OR5H1: variants seen among roughly 807,000 people sequenced by gnomAD.
The protein encoded by OR5H1 is olfactory receptor 5H1.
For synonymous variants in OR5H1, 124 were observed against 134.4 expected (o/e 0.92, Z 0.54); for missense variants, 378 against 366.8 (o/e 1.03, Z -0.25).
Position 98,133,248 on chromosome 3 carries a change from T to C in OR5H1, c.551T>C (p.Leu184Ser). The change falls in exon 2 of 2, where the codon TTG (leucine) becomes TCG (serine). Residue 184 changes from leucine (L) to serine (S), a missense_variant. Coordinates refer to ENST00000641874, the MANE Select transcript of OR5H1 (RefSeq NM_001005338.2). ...CACATTTACTGTGACACTATCCCAT[T>C]GTCTAAGATTTCTTGTACTGATTCT... ...VHHIYCDTIP[L>S]SKISCTDSSI... 6.2e-7 allele frequency: 1 copy of C among 1,612,008 alleles called. No individual in the cohort carries two copies.
intron 1 of OR5H1, among the ~76,000 whole-genome samples, chr3:98,131,945 T>G (rs1261208408): frequency 1.3e-5 from 2 of 152,102 alleles, no homozygotes; most frequent in Non-Finnish European, 2.9e-5. Context: ...TTAGAATCTA[T>G]TTCTTTGTCT....
At position 98,137,861 on chromosome 3, in the gene OR5H1, A is replaced by G. The variant is rs1261359516; in HGVS notation, c.*4222A>G. On this transcript the variant is annotated 3_prime_UTR_variant, in exon 2 of 2. Transcript: ENST00000641874. ...TTATGGTTTAAAAGTTCATTTATAA[A>G]CGTATATTGTACTTACATCTATTTA... is the stretch of plus-strand genomic sequence containing the variant. 1 of 152,130 alleles carries G rather than the reference A, an allele frequency of 6.6e-6. No individual in the cohort carries two copies. Among genetic ancestry groups the G allele is most frequent in the East Asian group, 1.9e-4 (1 of 5,190 alleles). 9.4% of individuals were successfully genotyped at this position (152,130 alleles called of 1,614,324 possible). A position where few individuals can be genotyped will look rare whatever the true frequency, so the allele number is the denominator to read the frequency against.
rs1478098537 is a variant in OR5H1, at chr3:98,137,901, A to G, written c.*4262A>G. The G allele has an allele frequency of 6.6e-6, 1 of 152,070 alleles. No homozygotes were observed. The highest frequency in any genetic ancestry group is 1.9e-4 in the East Asian group (1 of 5,180). The allele number at this position is 152,070 out of a possible 1,614,324, so 9.4% of individuals were successfully genotyped here. On this transcript the variant is annotated 3_prime_UTR_variant, in exon 2 of 2. Transcript: ENST00000641874. ...ACATCTATTTAATTCACTTATTCTG[A>G]ATTGTTTGGTTTACTCATGAAAATT... is the stretch of plus-strand genomic sequence containing the variant.
At position 98,134,969 on chromosome 3, in the gene OR5H1, G is replaced by A. The variant is rs1708301934; in HGVS notation, c.*1330G>A. On this transcript the variant is annotated 3_prime_UTR_variant, in exon 2 of 2. Coordinates refer to ENST00000641874, the MANE Select transcript of OR5H1 (RefSeq NM_001005338.2). ...CAGATTATATGCATGTATGTTTTAG[G>A]TATCTTATATCTATATGTATACATA... 6.6e-6 allele frequency: 1 copy of A among 151,792 alleles called. No individual in the cohort carries two copies. The highest frequency in any genetic ancestry group is 1.5e-5 in the Non-Finnish European group (1 of 67,918). The allele number at this position is 151,792 out of a possible 1,614,324, so 9.4% of individuals were successfully genotyped here. A position where few individuals can be genotyped will look rare whatever the true frequency, so the allele number is the denominator to read the frequency against.
rs774689923 is a variant in OR5H1, at chr3:98,133,567, C to T, written c.870C>T (p.Tyr290=). The T allele has an allele frequency of 6.2e-7, 1 of 1,612,824 alleles. No individual in the cohort carries two copies. Among genetic ancestry groups the T allele is most frequent in the Non-Finnish European group, 8.5e-7 (1 of 1,179,286 alleles). The change falls in exon 2 of 2, where the codon TAC becomes TAT. Residue 290 remains tyrosine, a synonymous_variant. Coordinates refer to ENST00000641874, the MANE Select transcript of OR5H1 (RefSeq NM_001005338.2). ...VIIPLLNPII[Y]SLRNKQVTVS... ...TTCCTTTGTTAAATCCTATCATCTA[C>T]AGTCTGAGAAATAAGCAAGTCACAG...
At chr3:98,132,277 G>C (rs1224450014) in intron 1 of OR5H1, among the ~76,000 whole-genome samples, 1 of 151,828 alleles carries the variant, frequency 6.6e-6, no homozygotes, top group Non-Finnish European at 1.5e-5. Flanking sequence ...TAAAATTTTT[G>C]GCACATGCTT....
At position 98,134,541 on chromosome 3, in the gene OR5H1, A is replaced by G. The variant is rs141169995; in HGVS notation, c.*902A>G. On this transcript the variant is annotated 3_prime_UTR_variant, in exon 2 of 2. Coordinates refer to ENST00000641874, the MANE Select transcript of OR5H1 (RefSeq NM_001005338.2). ...AGAAGTTTTAAATGCCTGTCATGTA[A>G]GTTCAAATAATGTTAACATGATACG... The G allele has an allele frequency of 6.2e-4, 94 of 152,208 alleles. No individual in the cohort carries two copies. The East Asian group carries it at 0.016, about 27-fold the overall frequency. The allele number at this position is 152,208 out of a possible 1,614,324, so 9.4% of individuals were successfully genotyped here. A position where few individuals can be genotyped will look rare whatever the true frequency, so the allele number is the denominator to read the frequency against.
rs780960094 is a variant in OR5H1, at chr3:98,133,343, G to T, written c.646G>T (p.Val216Leu). The T allele has an allele frequency of 1.2e-6, 2 of 1,612,820 alleles. No homozygotes were observed. The highest frequency in any genetic ancestry group is 2.7e-5 in the African/African-American group (2 of 74,478). Residue 216 changes from valine to leucine, a missense_variant, in exon 2 of 2, where the codon GTA becomes TTA. By Grantham distance (32) the Val-to-Leu change is conservative. Coordinates refer to ENST00000641874, the MANE Select transcript of OR5H1 (RefSeq NM_001005338.2). Reference sequence around the variant, plus strand: ...GGTATTCAGCATTGTGACTATTCTTGTATCTTATACATTTGTTCTCTTCGC... The same window carrying T: ...GGTATTCAGCATTGTGACTATTCTTTTATCTTATACATTTGTTCTCTTCGC... ...IQVFSIVTIL[V>L]SYTFVLFAIL...
chr3:98,133,343 G>C lies in OR5H1; in HGVS notation c.646G>C (p.Val216Leu). ...IQVFSIVTIL[V>L]SYTFVLFAIL... ...GGTATTCAGCATTGTGACTATTCTT[G>C]TATCTTATACATTTGTTCTCTTCGC... is the stretch of plus-strand genomic sequence containing the variant. Residue 216 changes from valine (V) to leucine (L), a missense_variant, in exon 2 of 2, where the codon GTA becomes CTA. Transcript: ENST00000641874. 1 of 1,612,946 alleles carries C rather than the reference G, an allele frequency of 6.2e-7. No individual in the cohort carries two copies. Among genetic ancestry groups the C allele is most frequent in the South Asian group, 1.1e-5 (1 of 91,048 alleles).
intron 1 of OR5H1, among the ~76,000 whole-genome samples, chr3:98,132,234 A>G (rs1708264691): frequency 6.6e-6 from 1 of 151,992 alleles, no homozygotes; most frequent in Admixed American, 6.6e-5. Flanking sequence ...TCAAAAACTA[A>G]ATTAAAAAAA....
chr3:98,131,598 T>G (rs1043745385), intron 1 of OR5H1, among the ~76,000 whole-genome samples: 1 of 152,050 alleles, frequency 6.6e-6, no homozygotes, highest in Non-Finnish European at 1.5e-5. Context: ...TGTTACCTCC[T>G]TAATATAACT....
Position 98,137,513 on chromosome 3 carries a change from T to G in OR5H1, c.*3874T>G, listed in dbSNP as rs900828272. Reference sequence around the variant, plus strand: ...TACATCACACCGGCATTTTACAGATTGGCAAATCTACGAATATACAATTTC... The same window carrying G: ...TACATCACACCGGCATTTTACAGATGGGCAAATCTACGAATATACAATTTC... On this transcript the variant is annotated 3_prime_UTR_variant, in exon 2 of 2. Coordinates refer to ENST00000641874, the MANE Select transcript of OR5H1 (RefSeq NM_001005338.2). 3 of 152,210 alleles carry G rather than the reference T, an allele frequency of 2.0e-5. No homozygotes were observed. The highest frequency in any genetic ancestry group is 4.4e-5 in the Non-Finnish European group (3 of 68,038). The allele number at this position is 152,210 out of a possible 1,614,324, so 9.4% of individuals were successfully genotyped here. A position where few individuals can be genotyped will look rare whatever the true frequency, so the allele number is the denominator to read the frequency against.
At chr3:98,132,028 T>C (rs1708263375) in intron 1 of OR5H1, among the ~76,000 whole-genome samples, 1 of 152,008 alleles carries the variant, frequency 6.6e-6, no homozygotes, top group African/African-American at 2.4e-5. Flanking sequence ...CGGAGGGTAT[T>C]TTCAAAATGC....
At chr3:98,131,425 T>C (rs983797037) in intron 1 of OR5H1, among the ~76,000 whole-genome samples, 11 of 151,582 alleles carry the variant, frequency 7.3e-5, no homozygotes, top group African/African-American at 2.4e-4. Context: ...ATCAGTGTAT[T>C]TAATTGGCCA....
intron 1 of OR5H1, among the ~76,000 whole-genome samples, chr3:98,131,863 C>G (rs1383935752): frequency 6.6e-6 from 1 of 152,014 alleles, no homozygotes; most frequent in South Asian, 2.1e-4. Flanking sequence ...AGGGACTCCT[C>G]TCTCCTTCAC....
chr3:98,133,566 A>G lies in OR5H1; in HGVS notation c.869A>G (p.Tyr290Cys), dbSNP rs1559804370. 4 of 1,612,902 alleles carry G rather than the reference A, an allele frequency of 2.5e-6. No individual in the cohort carries two copies. The highest frequency in any genetic ancestry group is 3.4e-6 in the Non-Finnish European group (4 of 1,179,302). ...VIIPLLNPII[Y>C]SLRNKQVTVS... ...ATTCCTTTGTTAAATCCTATCATCTACAGTCTGAGAAATAAGCAAGTCACA... is the reference window on the plus strand; with the variant it reads ...ATTCCTTTGTTAAATCCTATCATCTGCAGTCTGAGAAATAAGCAAGTCACA... The change falls in exon 2 of 2, where the codon TAC becomes TGC. Residue 290 changes from tyrosine (Y) to cysteine (C), a missense_variant. Tyr to Cys is a radical substitution (Grantham distance 194). Transcript: ENST00000641874.
rs759051267 is a variant in OR5H1, at chr3:98,132,785, G to A, written c.88G>A (p.Ala30Thr). The A allele has an allele frequency of 6.2e-6, 10 of 1,613,466 alleles. No individual in the cohort carries two copies. Among genetic ancestry groups the A allele is most frequent in the South Asian group, 1.1e-5 (1 of 91,056 alleles). The change falls in exon 2 of 2, where the codon GCA (alanine) becomes ACA (threonine). Residue 30 changes from alanine to threonine, a missense_variant. By Grantham distance (58) the Ala-to-Thr change is moderately conservative. Transcript: ENST00000641874. ...QPQWKIPLFLAFLVIYLITIM... is the reference protein window; with the variant it reads ...QPQWKIPLFLTFLVIYLITIM... ...ACAGTGGAAAATACCCCTGTTCCTG[G>A]CATTCTTGGTAATATATCTCATCAC...
At chr3:98,131,816 A>T (rs955347249) in intron 1 of OR5H1, among the ~76,000 whole-genome samples, 3 of 152,018 alleles carry the variant, frequency 2.0e-5, no homozygotes, top group Non-Finnish European at 4.4e-5. Context: ...AGCACACCTG[A>T]GTTCTCAATG....
In OR5H1 at chr3:98,134,954, G is replaced by A. The variant is rs191245085; in HGVS notation, c.*1315G>A. ...GATTGTCATTGCTACCAGATTATAT[G>A]CATGTATGTTTTAGGTATCTTATAT... On this transcript the variant is annotated 3_prime_UTR_variant, in exon 2 of 2. Transcript: ENST00000641874. The A allele has an allele frequency of 6.6e-6, 1 of 152,100 alleles. No homozygotes were observed. The highest frequency in any genetic ancestry group is 1.9e-4 in the East Asian group (1 of 5,174). The allele number at this position is 152,100 out of a possible 1,614,324, so 9.4% of individuals were successfully genotyped here.
Sources: allele counts gnomAD v4.1 joint callset (sites outside exome capture counted in the v4.1 genomes callset), GRCh38; gene constraint gnomAD v4.1.1; transcripts MANE v1.5; gene names NCBI Gene and HGNC (gene_info 2026-07-23, HGNC 2026-07-21).